The following MYRFL variants were observed in gnomAD, a reference collection of about 807,000 sequenced individuals.
MYRFL encodes myelin regulatory factor-like protein.
MYRFL carries 88 observed loss-of-function variants against 109.4 expected under a neutral mutation model. The ratio of observed to expected loss-of-function variants is 0.80; its 90% CI spans 0.68 to 0.96. The LOEUF is 0.96. MYRFL is among the 40% of genes least tolerant of loss of function. The pLI is 0.00. For missense variants in MYRFL, 957 were observed against 954.9 expected (o/e 1.00, Z -0.03); for synonymous variants, 324 against 320.9 (o/e 1.01, Z -0.10).
chr12:69,908,276 A>G (rs1954439313), intron 11 of MYRFL, among the ~76,000 whole-genome samples: 1 of 152,244 alleles, frequency 6.6e-6, no homozygotes, highest in Non-Finnish European at 1.5e-5. Flanking sequence ...GTGATATAGG[A>G]GAAGACAAAG....
intron 8 of MYRFL, 30 bp from the exon 9 acceptor site, chr12:69,895,341 T>C (rs1447360061): frequency 1.4e-6 from 2 of 1,460,198 alleles, no homozygotes; most frequent in Non-Finnish European, 1.8e-6. Flanking sequence ...TTATAGTCTC[T>C]TGGTTTTTTT....
At chr12:69,932,408 T>C in intron 15 of MYRFL, 105 bp from the exon 16 acceptor site, 1 of 717,546 alleles carries the variant, frequency 1.4e-6, no homozygotes, top group African/African-American at 1.8e-5. Context: ...ACTCAAACTA[T>C]CCCAAGAGAG....
At chr12:69,912,527 C>T (rs1370341917) in intron 13 of MYRFL, among the ~76,000 whole-genome samples, 2 of 152,150 alleles carry the variant, frequency 1.3e-5, no homozygotes, top group Non-Finnish European at 2.9e-5. Context: ...TTCTATGATT[C>T]TGACTACATA....
chr12:69,851,451 C>T (rs868702768), intron 1 of MYRFL, among the ~76,000 whole-genome samples: 4 of 152,126 alleles, frequency 2.6e-5, no homozygotes, highest in Admixed American at 6.5e-5. Context: ...AACATCAAAA[C>T]ATGCTAAAAC....
At chr12:69,908,302 A>G (rs1289273254) in intron 11 of MYRFL, among the ~76,000 whole-genome samples, 1 of 152,204 alleles carries the variant, frequency 6.6e-6, no homozygotes, top group Non-Finnish European at 1.5e-5. Context: ...AGTTGACACA[A>G]TTAGTTGTCT....
chr12:69,893,581 C>A (rs1349559448), intron 7 of MYRFL, among the ~76,000 whole-genome samples, 183 bp from the exon 8 acceptor site: 1 of 152,046 alleles, frequency 6.6e-6, no homozygotes, highest in Non-Finnish European at 1.5e-5. Context: ...TATTTCTTTC[C>A]TCATCAACAG....
chr12:69,900,080 G>T (rs1163239476), intron 10 of MYRFL, among the ~76,000 whole-genome samples: 1 of 152,114 alleles, frequency 6.6e-6, no homozygotes, highest in Non-Finnish European at 1.5e-5. Context: ...ACACTCTAGG[G>T]TTTCCTCATT....
intron 19 of MYRFL, among the ~76,000 whole-genome samples, chr12:69,939,864 G>C (rs548380856): frequency 0.014 from 2,137 of 152,256 alleles, 58 homozygotes; most frequent in African/African-American, 0.049. Context: ...TGATGGAGCT[G>C]AAAACCAAGG....
chr12:69,895,314 A>G, intron 8 of MYRFL, 57 bp from the exon 9 acceptor site: 1 of 1,252,668 alleles, frequency 8.0e-7, no homozygotes. Flanking sequence ...AGATATGATC[A>G]GAGATTTGGT....
chr12:69,868,403 G>A (rs146445912), intron 2 of MYRFL, among the ~76,000 whole-genome samples: 2 of 152,132 alleles, frequency 1.3e-5, no homozygotes, highest in African/African-American at 2.4e-5. Context: ...ATGAGCCACC[G>A]CGCCAGACCA....
At chr12:69,878,242 C>CAAAAAAAAAAAAAAAAAA (rs60069243) in intron 2 of MYRFL, among the ~76,000 whole-genome samples, 1 of 112,712 alleles carries the variant, frequency 8.9e-6, no homozygotes, top group African/African-American at 3.4e-5. Flanking sequence ...GACTCCATCT[C>CAAAAAAAAAAAAAAAAAA]AAAAAAAAAA....
intron 10 of MYRFL, among the ~76,000 whole-genome samples, chr12:69,899,109 C>G (rs1954100399): frequency 6.6e-6 from 1 of 152,110 alleles, no homozygotes; most frequent in African/African-American, 2.4e-5. Flanking sequence ...AGTCTTCTCC[C>G]AGACACAATT....
intron 2 of MYRFL, among the ~76,000 whole-genome samples, chr12:69,874,923 T>A (rs1885566018): frequency 6.6e-6 from 1 of 151,696 alleles, no homozygotes; most frequent in Non-Finnish European, 1.5e-5. Context: ...GGTAGATGTA[T>A]TTATTTTGCT....
chr12:69,837,481 T>C (rs1883017048), intron 1 of MYRFL, among the ~76,000 whole-genome samples: 2 of 152,086 alleles, frequency 1.3e-5, no homozygotes, highest in Non-Finnish European at 2.9e-5. Context: ...TGGAGAGGAA[T>C]TGGAAAGGGA....
At chr12:69,916,965 T>C (rs563379076) in intron 13 of MYRFL, among the ~76,000 whole-genome samples, 2 of 152,286 alleles carry the variant, frequency 1.3e-5, no homozygotes, top group Admixed American at 6.5e-5. Flanking sequence ...TTCCCTGTGC[T>C]GCCTAGCTTT....
At chr12:69,910,373 A>C (rs7974731) in intron 12 of MYRFL, among the ~76,000 whole-genome samples, 5,564 of 152,204 alleles carry the variant, frequency 0.037, 148 homozygotes, top group Middle Eastern at 0.11. Flanking sequence ...TGATGGCTCA[A>C]CCTATGTGAG....
At chr12:69,859,240 A>C (rs554501372) in intron 2 of MYRFL, among the ~76,000 whole-genome samples, 1 of 152,198 alleles carries the variant, frequency 6.6e-6, no homozygotes, top group East Asian at 1.9e-4. Flanking sequence ...AAATTTTGTT[A>C]AGGTTTGCTT....
Position 69,952,130 on chromosome 12 carries a change from G to C in MYRFL, c.2242G>C (p.Val748Leu). The part of the protein sequence containing the change: ...RRWSEDKSKS[V>L]LARNALSGPD... ...CTTTTCAGAAGACAAAAGCAAATCA[G>C]TTTTGGCAAGAAATGCACTCAGCGG... The change falls in exon 20 of 25, where the codon GTT becomes CTT. Residue 748 changes from valine (V) to leucine (L), a missense_variant. Val to Leu is a conservative substitution (Grantham distance 32). Transcript: ENST00000552032. 1 of 1,536,090 alleles carries C rather than the reference G, an allele frequency of 6.5e-7. No homozygotes were observed. Among genetic ancestry groups the C allele is most frequent in the Non-Finnish European group, 8.7e-7 (1 of 1,146,880 alleles).
At chr12:69,952,039 A>G (rs1171973958) in intron 19 of MYRFL, 74 bp from the exon 20 acceptor site, 9 of 1,264,854 alleles carry the variant, frequency 7.1e-6, no homozygotes, top group East Asian at 5.0e-5. Flanking sequence ...ACAGAGATGA[A>G]CTAGGTCACA....
Sources: allele counts gnomAD v4.1 joint callset (sites outside exome capture counted in the v4.1 genomes callset), GRCh38; gene constraint gnomAD v4.1.1; transcripts MANE v1.5; gene names NCBI Gene and HGNC (gene_info 2026-07-23, HGNC 2026-07-21).